Variants in WWOX observed in about 807,000 individuals in gnomAD.
WWOX encodes WW domain-containing oxidoreductase.
A neutral mutation model predicts 46.2 loss-of-function variants in WWOX; 69 were observed. The observed-to-expected ratio is 1.49, with a 90% CI of 1.23 to 1.82. The LOEUF is 1.82. Ranked by LOEUF, WWOX falls within the 40% of genes most tolerant of loss-of-function variation. WWOX has a pLI of 0.00. For synonymous variants in WWOX, 359 were observed against 202.6 expected (o/e 1.77, Z -6.56); for missense variants, 919 against 542.6 (o/e 1.69, Z -6.89).
chr16:79,079,925 C>T (rs1400281027), intron 8 of WWOX, among the ~76,000 whole-genome samples: 1 of 146,848 alleles, frequency 6.8e-6, no homozygotes, highest in East Asian at 2.0e-4. Context: ...GATCCTCAAG[C>T]TGTTCCTTCC....
chr16:78,741,911 A>G (rs1285022611), intron 8 of WWOX, among the ~76,000 whole-genome samples: 1 of 152,184 alleles, frequency 6.6e-6, no homozygotes, highest in Non-Finnish European at 1.5e-5. Context: ...TTAATTTTAG[A>G]TAAACAATGG....
chr16:78,903,111 A>G (rs1396126876), intron 8 of WWOX, among the ~76,000 whole-genome samples: 1 of 152,212 alleles, frequency 6.6e-6, no homozygotes, highest in Non-Finnish European at 1.5e-5. Context: ...TAGAGTGGGA[A>G]CGGCCCAAGC....
intron 5 of WWOX, among the ~76,000 whole-genome samples, chr16:78,282,635 G>A (rs1394420718): frequency 6.6e-6 from 1 of 152,096 alleles, no homozygotes; most frequent in Admixed American, 6.5e-5. Context: ...TCAGCACTTT[G>A]GGAGGCCTAG....
intron 6 of WWOX, among the ~76,000 whole-genome samples, chr16:78,417,708 T>G (rs1327143942): frequency 6.6e-6 from 1 of 152,194 alleles, no homozygotes; most frequent in Admixed American, 6.5e-5. Flanking sequence ...CTGCTTTGAT[T>G]TGAAGCAGAG....
intron 8 of WWOX, among the ~76,000 whole-genome samples, chr16:79,094,905 C>T (rs1028353551): frequency 2.0e-5 from 3 of 152,214 alleles, no homozygotes; most frequent in Non-Finnish European, 4.4e-5. Context: ...AGATCAGCGT[C>T]GTGGGCGATT....
At chr16:78,505,518 A>G (rs1877281) in intron 8 of WWOX, among the ~76,000 whole-genome samples, 114,670 of 152,056 alleles carry the variant, frequency 0.75, 43,541 homozygotes, top group East Asian at 0.87. Flanking sequence ...GAGACTGTTC[A>G]AGCACTGGAT....
chr16:78,430,866 G>C (rs973697026), intron 7 of WWOX, among the ~76,000 whole-genome samples: 1 of 152,146 alleles, frequency 6.6e-6, no homozygotes, highest in Non-Finnish European at 1.5e-5. Flanking sequence ...TTCTGCCCTT[G>C]CCATGCTTTT....
At chr16:78,201,102 G>C (rs563928487) in intron 5 of WWOX, among the ~76,000 whole-genome samples, 4 of 152,182 alleles carry the variant, frequency 2.6e-5, no homozygotes, top group Non-Finnish European at 5.9e-5. Flanking sequence ...AGAAGGGACT[G>C]TACTATTTGG....
intron 8 of WWOX, among the ~76,000 whole-genome samples, chr16:78,965,713 C>T (rs2046351870): frequency 6.6e-6 from 1 of 152,144 alleles, no homozygotes; most frequent in South Asian, 2.1e-4. Flanking sequence ...TGGCTTTGCC[C>T]TTCCCGCATT....
At chr16:79,113,002 G>A (rs529239509) in intron 8 of WWOX, among the ~76,000 whole-genome samples, 1 of 152,356 alleles carries the variant, frequency 6.6e-6, no homozygotes, top group South Asian at 2.1e-4. Flanking sequence ...GATCTAGCAA[G>A]TTCTTGTTGA....
chr16:78,648,592 C>A (rs1468815613), intron 8 of WWOX, among the ~76,000 whole-genome samples: 1 of 152,098 alleles, frequency 6.6e-6, no homozygotes, highest in Non-Finnish European at 1.5e-5. Context: ...AAATTTTGTC[C>A]CCACTTCCAA....
chr16:78,717,118 A>G (rs1020331250), intron 8 of WWOX, among the ~76,000 whole-genome samples: 2 of 152,208 alleles, frequency 1.3e-5, no homozygotes, highest in Admixed American at 1.3e-4. Context: ...AGATGGCTGT[A>G]AGCTCCCTGA....
At chr16:79,136,226 C>A (rs1285468589) in intron 8 of WWOX, among the ~76,000 whole-genome samples, 3 of 151,236 alleles carry the variant, frequency 2.0e-5, no homozygotes, top group Non-Finnish European at 2.9e-5. Context: ...ATACTGATGT[C>A]ACTTCTTCTT....
chr16:78,744,010 G>A (rs572971324), intron 8 of WWOX, among the ~76,000 whole-genome samples: 3 of 151,996 alleles, frequency 2.0e-5, no homozygotes, highest in Admixed American at 1.3e-4. Context: ...TTGTTTATGC[G>A]TTTTGTCCAA....
chr16:78,131,444 G>A (rs555096287), intron 4 of WWOX, among the ~76,000 whole-genome samples: 6 of 152,252 alleles, frequency 3.9e-5, no homozygotes, highest in Admixed American at 3.3e-4. Flanking sequence ...TGAACTCGTG[G>A]GCTCAAGCAG....
intron 8 of WWOX, among the ~76,000 whole-genome samples, chr16:78,556,269 A>AT (rs2044294659): frequency 6.6e-6 from 1 of 152,038 alleles, no homozygotes; most frequent in Non-Finnish European, 1.5e-5. Flanking sequence ...TCTAAAAAAA[A>AT]AAAAAAAGAA....
At chr16:78,861,439 C>T (rs1287690853) in intron 8 of WWOX, among the ~76,000 whole-genome samples, 2 of 152,156 alleles carry the variant, frequency 1.3e-5, no homozygotes, top group African/African-American at 4.8e-5. Context: ...GTCTACCATC[C>T]AGATTCAGTA....
chr16:78,758,946 A>AC (rs1262035900), intron 8 of WWOX, among the ~76,000 whole-genome samples: 11 of 151,842 alleles, frequency 7.2e-5, no homozygotes, highest in Non-Finnish European at 8.8e-5. Context: ...ACAAAAAAAA[A>AC]AAAAACAAAA....
intron 1 of WWOX, among the ~76,000 whole-genome samples, chr16:78,108,020 C>G (rs886911708): frequency 6.6e-6 from 1 of 151,714 alleles, no homozygotes; most frequent in African/African-American, 2.4e-5. Flanking sequence ...CTTCTGCTTC[C>G]CTGGCTCAAG....
Sources: gnomAD v4.1 joint callset for allele counts (sites outside exome capture counted in the v4.1 genomes callset) on GRCh38, gnomAD v4.1.1 for gene constraint, MANE v1.5 for transcripts, NCBI Gene and HGNC (gene_info 2026-07-23, HGNC 2026-07-21) for gene names.